The following SAMD4B variants were observed in gnomAD, a reference collection of about 807,000 sequenced individuals.
SAMD4B encodes protein Smaug homolog 2.
In SAMD4B, 5 loss-of-function variants were observed where a neutral mutation model predicts 74.5. That is an observed-to-expected ratio of 0.07 (90% CI 0.04 to 0.14). SAMD4B has a LOEUF of 0.14. SAMD4B is among the 10% of genes least tolerant of loss of function. SAMD4B has a pLI of 1.00. For missense variants in SAMD4B, 608 were observed against 921.8 expected (o/e 0.66, Z 4.41); for synonymous variants, 373 against 374.9 (o/e 1.00, Z 0.06).
chr19:39,388,655 C>T, downstream of SAMD4B: 1 of 1,614,144 alleles, frequency 6.2e-7, no homozygotes, highest in Non-Finnish European at 8.5e-7. Flanking sequence ...CAAACTGGTT[C>T]CCTTCCTCAT....
rs1417332669 is a variant in SAMD4B, at chr19:39,376,731, G to A, written c.1044G>A (p.Lys348=). The change falls in exon 7 of 14, where the codon AAG becomes AAA. Residue 348 remains lysine (K), a synonymous_variant. Coordinates refer to ENST00000610417, the MANE Select transcript of SAMD4B (RefSeq NM_001384574.2). ...SQNVTKGARH[K]IALSIQKLRE... ...ACGTCACCAAAGGTGCCCGCCACAA[G>A]ATAGCCCTGAGCATCCAGAAGCTGC... is the stretch of plus-strand genomic sequence containing the variant. 2 of 1,614,204 alleles carry A rather than the reference G, an allele frequency of 1.2e-6. No homozygotes were observed. The highest frequency in any genetic ancestry group is 1.1e-5 in the South Asian group (1 of 91,086).
chr19:39,390,612 C>A (rs1359995447), downstream of SAMD4B, among the ~76,000 whole-genome samples: 1 of 152,152 alleles, frequency 6.6e-6, no homozygotes, highest in Non-Finnish European at 1.5e-5. Context: ...GGAGGGATCC[C>A]TTCTGGAGGG....
chr19:39,381,239 A>T, intron 12 of SAMD4B, 126 bp downstream of exon 12: 1 of 1,104,124 alleles, frequency 9.1e-7, no homozygotes, highest in Non-Finnish European at 1.3e-6. Context: ...ACCTCACACC[A>T]CTCTGCACCC....
intron 3 of SAMD4B, among the ~76,000 whole-genome samples, chr19:39,368,218 A>G (rs2145650232): frequency 6.6e-6 from 1 of 152,214 alleles, no homozygotes; most frequent in Non-Finnish European, 1.5e-5. Context: ...CGCCTCAAAA[A>G]AAAAGAAAAG....
downstream of SAMD4B, chr19:39,389,986 G>C (rs942332631): frequency 3.4e-6 from 4 of 1,190,732 alleles, no homozygotes; most frequent in Admixed American, 3.4e-5. This position sits in a 1 kb window ranked among gnomAD's most constrained non-coding sequence, Gnocchi z 5.3. Context: ...GCTAGGCCCT[G>C]AGCAGACAGC....
At chr19:39,380,510 T>C (rs2145854214) in intron 10 of SAMD4B, 77 bp from the exon 11 acceptor site, 1 of 1,458,906 alleles carries the variant, frequency 6.9e-7, no homozygotes, top group Non-Finnish European at 9.6e-7. Context: ...CTTGGGGTTG[T>C]TGGGGAAGGT....
intron 1 of SAMD4B, chr19:39,351,657 A>G (rs903937340): frequency 3.3e-5 from 5 of 152,210 alleles, no homozygotes; most frequent in Admixed American, 6.5e-5. Context: ...TCATGTGAAC[A>G]GATCTCCCTT....
chr19:39,348,990 T>C (rs1263575546), intron 1 of SAMD4B, among the ~76,000 whole-genome samples: 2 of 152,198 alleles, frequency 1.3e-5, no homozygotes, highest in Non-Finnish European at 2.9e-5. Context: ...GTAGGTACTA[T>C]TATTACACCC....
At chr19:39,360,871 G>A (rs62119693) in intron 3 of SAMD4B, among the ~76,000 whole-genome samples, 1,834 of 152,258 alleles carry the variant, frequency 0.012, 11 homozygotes, top group Non-Finnish European at 0.019. Flanking sequence ...TCAGAATCCT[G>A]AGGGTATGGG....
intron 5 of SAMD4B, among the ~76,000 whole-genome samples, 195 bp from the exon 6 acceptor site, chr19:39,376,242 C>G (rs2077590611): frequency 6.6e-6 from 1 of 152,198 alleles, no homozygotes. Context: ...GGTCAGATGT[C>G]CTTCCCAGGG....
rs2077422738 is a variant in SAMD4B, at chr19:39,373,493, G to T, written c.668-2157G>T. ...AGGGCAGCAAGCAAGAGGGAGGCTA[G>T]TGAGGAGGGCAGCAAGCGCCAGGCC... On this transcript the variant is annotated intron_variant, in intron 4 of 13. Coordinates refer to ENST00000610417, the MANE Select transcript of SAMD4B (RefSeq NM_001384574.2). Among the ~76,000 whole-genome samples the T allele has an allele frequency of 4.0e-5, 5 of 123,588 alleles. No homozygotes were observed. In the South Asian group the frequency reaches 1.1e-3, roughly 28 times the overall value. The allele number at this position is 123,588 out of a possible 152,430, so 81.1% of individuals were successfully genotyped here.
At chr19:39,387,808 C>G (rs919367527), downstream of SAMD4B, among the ~76,000 whole-genome samples, 1 of 152,212 alleles carries the variant, frequency 6.6e-6, no homozygotes, top group African/African-American at 2.4e-5. Context: ...AAACTTGGCC[C>G]TCTGCCTTGC....
downstream of SAMD4B, chr19:39,389,847 G>A: frequency 6.4e-7 from 1 of 1,554,630 alleles, no homozygotes. This position sits in a 1 kb window ranked among gnomAD's most constrained non-coding sequence, Gnocchi z 5.3. Flanking sequence ...CTTCTCTGGG[G>A]AGGAACTCAG....
chr19:39,389,645 G>A (rs2078329831), downstream of SAMD4B: 1 of 1,614,198 alleles, frequency 6.2e-7, no homozygotes, highest in Middle Eastern at 1.6e-4. The surrounding 1 kb of genome is among the most constrained non-coding windows in gnomAD (Gnocchi z 5.3). Context: ...CACACCATTG[G>A]GGTCGATGCG....
downstream of SAMD4B, chr19:39,390,708 A>T: frequency 8.6e-7 from 1 of 1,163,348 alleles, no homozygotes. Flanking sequence ...CCTTCGTCAA[A>T]GGTGAGCGCT....
chr19:39,390,431 G>A, downstream of SAMD4B: 3 of 760,840 alleles, frequency 3.9e-6, no homozygotes, highest in East Asian at 8.1e-5. Flanking sequence ...GTGTCCAAAT[G>A]CTTTAATGGA....
chr19:39,377,629 G>A lies in SAMD4B; in HGVS notation c.1249G>A (p.Glu417Lys), dbSNP rs529872635. ...TPTAKDGAPGEPPLPGAEPPL... is the reference protein window; with the variant it reads ...TPTAKDGAPGKPPLPGAEPPL... Reference sequence around the variant, plus strand: ...TACTGCCAAGGATGGGGCCCCGGGGGAACCACCGCTGCCAGGTGCTGAGCC... The same window carrying A: ...TACTGCCAAGGATGGGGCCCCGGGGAAACCACCGCTGCCAGGTGCTGAGCC... The change falls in exon 8 of 14, where the codon GAA becomes AAA. Residue 417 changes from glutamate (E) to lysine (K), a missense_variant. Physicochemically the swap from Glu to Lys is moderately conservative, Grantham distance 56. This residue lies in a region of SAMD4B where 99 missense variants were observed against 112.1 expected (regional missense o/e 0.88). Coordinates refer to ENST00000610417, the MANE Select transcript of SAMD4B (RefSeq NM_001384574.2). 1.0e-3 allele frequency: 1,608 copies of A among 1,614,026 alleles called. 29 individuals are homozygous for A. The South Asian group carries it at 0.017, about 17-fold the overall frequency.
downstream of SAMD4B, chr19:39,385,847 G>A: frequency 8.2e-7 from 1 of 1,214,356 alleles, no homozygotes; most frequent in East Asian, 2.5e-5. Context: ...GGCTGGGAGG[G>A]GAAGTAAAGA....
At chr19:39,357,359 G>A (rs953299625) in intron 3 of SAMD4B, among the ~76,000 whole-genome samples, 1 of 152,182 alleles carries the variant, frequency 6.6e-6, no homozygotes, top group Admixed American at 6.5e-5. Flanking sequence ...AGTGGCTTAT[G>A]TGGGCTGCTG....
Sources: gnomAD v4.1 joint callset for allele counts (sites outside exome capture counted in the v4.1 genomes callset) on GRCh38, gnomAD v4.1.1 for gene constraint, gnomAD v4.1.1 regional missense constraint, Gnocchi (gnomAD v3.1) non-coding constraint, MANE v1.5 for transcripts, NCBI Gene and HGNC (gene_info 2026-07-23, HGNC 2026-07-21) for gene names.